Variants in MARCHF1 observed in about 807,000 individuals in gnomAD.
MARCHF1 encodes E3 ubiquitin-protein ligase MARCHF1.
Under a neutral mutation model 54.2 loss-of-function variants are expected in MARCHF1, and 40 were observed. The ratio of observed to expected loss-of-function variants is 0.74; its 90% CI spans 0.57 to 0.96. The LOEUF (loss-of-function observed/expected upper bound fraction) is 0.96. Ranked by LOEUF, MARCHF1 falls within the 40% of genes least tolerant of loss-of-function variation. The probability of loss-of-function intolerance (pLI) is 0.00; values close to 1 mark genes in which losing one functional copy is unlikely to be tolerated. For missense variants in MARCHF1, 586 were observed against 656.5 expected, an observed-to-expected ratio of 0.89 and a Z score of 1.17; for synonymous variants, 236 against 236.3, an observed-to-expected ratio of 1.00 and a Z score of 0.01.
intron 4 of MARCHF1, among the ~76,000 whole-genome samples, chr4:163,817,654 A>C (rs1351145463): frequency 6.6e-6 from 1 of 152,118 alleles, no homozygotes; most frequent in African/African-American, 2.4e-5. Flanking sequence ...ATGTAGACTC[A>C]GTTAAATTAA....
At chr4:163,546,915 G>T (rs916271222) in intron 8 of MARCHF1, among the ~76,000 whole-genome samples, 1 of 152,096 alleles carries the variant, frequency 6.6e-6, no homozygotes, top group African/African-American at 2.4e-5. Context: ...ATTATGTTAG[G>T]AATTGTGTTT....
intron 8 of MARCHF1, among the ~76,000 whole-genome samples, chr4:163,562,160 G>T (rs777511696): frequency 9.9e-5 from 15 of 152,096 alleles, no homozygotes; most frequent in Non-Finnish European, 2.1e-4. Flanking sequence ...AGCCAGGCGT[G>T]GTGGCCCATG....
intron 4 of MARCHF1, among the ~76,000 whole-genome samples, chr4:163,724,236 A>G (rs1314495037): frequency 2.0e-5 from 3 of 152,120 alleles, no homozygotes; most frequent in African/African-American, 7.2e-5. Context: ...TTTCCTTCTA[A>G]TGGTCACGAT....
intron 2 of MARCHF1, among the ~76,000 whole-genome samples, chr4:164,045,851 G>A (rs1488175171): frequency 2.0e-5 from 3 of 152,026 alleles, no homozygotes; most frequent in East Asian, 1.9e-4. Context: ...ATTTATTTCA[G>A]TTTTTATATA....
At chr4:163,727,837 T>C (rs1441750951) in intron 4 of MARCHF1, among the ~76,000 whole-genome samples, 2 of 151,794 alleles carry the variant, frequency 1.3e-5, no homozygotes, top group Non-Finnish European at 2.9e-5. Flanking sequence ...CATGCTCGGG[T>C]ATTTTTATTG....
At chr4:163,767,926 C>G (rs1459015598) in intron 4 of MARCHF1, among the ~76,000 whole-genome samples, 1 of 152,106 alleles carries the variant, frequency 6.6e-6, no homozygotes, top group Non-Finnish European at 1.5e-5. Flanking sequence ...TGCTATCATC[C>G]AAATTTATCA....
intron 3 of MARCHF1, among the ~76,000 whole-genome samples, chr4:163,914,268 T>C (rs558975667): frequency 6.6e-6 from 1 of 152,232 alleles, no homozygotes; most frequent in African/African-American, 2.4e-5. Flanking sequence ...TTAAGAAACT[T>C]CTTTAAAAAT....
intron 4 of MARCHF1, among the ~76,000 whole-genome samples, chr4:163,748,176 C>A (rs34491561): frequency 0.26 from 39,133 of 152,054 alleles, 6,128 homozygotes; most frequent in Non-Finnish European, 0.36. Flanking sequence ...GAACAGCTAC[C>A]TTCAGCTATT....
chr4:163,550,259 G>C (rs1176261251), intron 8 of MARCHF1, among the ~76,000 whole-genome samples: 2 of 145,242 alleles, frequency 1.4e-5, no homozygotes, highest in Admixed American at 1.4e-4. Context: ...TCCAGCCTCG[G>C]CGACAGAGCG....
At chr4:163,619,201 G>A (rs1410513481) in intron 5 of MARCHF1, among the ~76,000 whole-genome samples, 3 of 152,138 alleles carry the variant, frequency 2.0e-5, no homozygotes, top group Non-Finnish European at 4.4e-5. Flanking sequence ...GTTATTGCAA[G>A]TATTCAGCAG....
chr4:163,723,427 C>G (rs1021678739), intron 4 of MARCHF1, among the ~76,000 whole-genome samples: 2 of 152,156 alleles, frequency 1.3e-5, no homozygotes, highest in Non-Finnish European at 2.9e-5. Flanking sequence ...GTGTGGGTAA[C>G]CCGATCTTTC....
chr4:163,921,601 T>C (rs1450879867), intron 3 of MARCHF1, among the ~76,000 whole-genome samples: 2 of 146,490 alleles, frequency 1.4e-5, no homozygotes. Flanking sequence ...CTTTAGGAAT[T>C]CTTCGTTGGT....
chr4:163,556,190 T>C (rs896519050), intron 8 of MARCHF1, among the ~76,000 whole-genome samples: 1 of 152,198 alleles, frequency 6.6e-6, no homozygotes, highest in Non-Finnish European at 1.5e-5. Flanking sequence ...CCAAGATTTC[T>C]GCTTTGATGA....
chr4:164,208,577 T>G (rs1243242926), intron 1 of MARCHF1, among the ~76,000 whole-genome samples: 1 of 152,214 alleles, frequency 6.6e-6, no homozygotes, highest in Non-Finnish European at 1.5e-5. Context: ...AGTGCCATTC[T>G]TCTCAACATG....
intron 1 of MARCHF1, among the ~76,000 whole-genome samples, chr4:164,158,513 C>A (rs1027389243): frequency 1.3e-5 from 2 of 151,966 alleles, no homozygotes; most frequent in South Asian, 2.1e-4. Context: ...TGGTGACGGG[C>A]GCCTATAATC....
intron 2 of MARCHF1, among the ~76,000 whole-genome samples, chr4:163,989,236 A>T (rs1752926155): frequency 6.6e-6 from 1 of 151,986 alleles, no homozygotes; most frequent in Non-Finnish European, 1.5e-5. Context: ...TGCTTAGGTC[A>T]AAGGATCTGC....
At chr4:164,071,193 C>T (rs1425591460) in intron 2 of MARCHF1, among the ~76,000 whole-genome samples, 1 of 152,150 alleles carries the variant, frequency 6.6e-6, no homozygotes, top group Admixed American at 6.5e-5. Context: ...AAGCAAGCAG[C>T]ATTTTATCTC....
chr4:163,822,494 C>T (rs1158609648), intron 4 of MARCHF1, among the ~76,000 whole-genome samples: 1 of 151,896 alleles, frequency 6.6e-6, no homozygotes, highest in South Asian at 2.1e-4. Flanking sequence ...GAAAAGTACA[C>T]TTCACATACG....
chr4:164,257,779 C>G (rs907301314), intron 1 of MARCHF1, among the ~76,000 whole-genome samples: 23 of 152,020 alleles, frequency 1.5e-4, no homozygotes, highest in African/African-American at 5.3e-4. Context: ...ACCAGCTTGG[C>G]CAATATGGCA....
Sources: allele counts gnomAD v4.1 joint callset (sites outside exome capture counted in the v4.1 genomes callset), GRCh38; gene constraint gnomAD v4.1.1; transcripts MANE v1.5; gene names NCBI Gene and HGNC (gene_info 2026-07-23, HGNC 2026-07-21).